Variants in PCDHA1 observed in about 807,000 individuals in gnomAD.
PCDHA1 encodes the protein protocadherin alpha 1.
PCDHA1 carries 42 observed loss-of-function variants against 61.3 expected under a neutral mutation model. That is an observed-to-expected ratio of 0.69 (90% CI 0.54 to 0.89). The LOEUF (loss-of-function observed/expected upper bound fraction) is 0.89, where lower values mean the gene tolerates loss of function less well. Among genes scored for constraint, PCDHA1 ranks in the 40% least tolerant of loss-of-function variants. The pLI is 0.00. For synonymous variants in PCDHA1, 610 were observed against 553.8 expected (o/e 1.10, Z -1.43); for missense variants, 1,256 against 1,235.3 (o/e 1.02, Z -0.25).
At chr5:140,808,530 T>G in intron 1 of PCDHA1, 1 of 1,614,148 alleles carries the variant, frequency 6.2e-7, no homozygotes, top group East Asian at 2.2e-5. Flanking sequence ...GTGGCTGATG[T>G]GAACGACAAC....
intron 1 of PCDHA1, chr5:140,929,177 T>G: frequency 6.2e-7 from 1 of 1,614,172 alleles, no homozygotes; most frequent in Non-Finnish European, 8.5e-7. Flanking sequence ...TCTCTGGGAC[T>G]TGGTTCTGAT....
At chr5:140,826,874 A>G (rs1217835279) in intron 1 of PCDHA1, among the ~76,000 whole-genome samples, 1 of 152,186 alleles carries the variant, frequency 6.6e-6, no homozygotes, top group Non-Finnish European at 1.5e-5. Flanking sequence ...GTAAAATTCA[A>G]TGAAAGCTGT....
At chr5:140,969,457 T>C (rs1554231852) in intron 1 of PCDHA1, 1 of 1,505,602 alleles carries the variant, frequency 6.6e-7, no homozygotes, top group Admixed American at 2.2e-5. Context: ...TGAGTATATA[T>C]AGTATCCACA....
chr5:140,830,361 G>C (rs2150185402), intron 1 of PCDHA1: 1 of 1,614,126 alleles, frequency 6.2e-7, no homozygotes, highest in Non-Finnish European at 8.5e-7. Flanking sequence ...AGGCGGCAGA[G>C]GGTGTGCTCC....
At chr5:140,895,206 AT>A (rs2064913908) in intron 1 of PCDHA1, among the ~76,000 whole-genome samples, 1 of 151,808 alleles carries the variant, frequency 6.6e-6, no homozygotes, top group Non-Finnish European at 1.5e-5. Flanking sequence ...ATTTGCTTTT[AT>A]TTCTAATATT....
In PCDHA1 at chr5:140,787,370, A is replaced by AGGGC; in HGVS notation, c.1081_1082insGGCG (p.Glu361GlyfsTer17). On this transcript the variant is annotated frameshift_variant, in exon 1 of 4. Coordinates refer to ENST00000504120, the MANE Select transcript of PCDHA1 (RefSeq NM_018900.4). LOFTEE classifies it high-confidence loss of function. ...TCACTTCATTGTATTTGCCTATCAG[A>AGGGC]GAGGACGCTCCACTCAGCACCGTCA... is the stretch of plus-strand genomic sequence containing the variant. 1 of 1,614,218 alleles carries AGGGC rather than the reference A, an allele frequency of 6.2e-7. No homozygotes were observed. Among genetic ancestry groups the AGGGC allele is most frequent in the Non-Finnish European group, 8.5e-7 (1 of 1,180,020 alleles).
At chr5:140,856,839 A>T in intron 1 of PCDHA1, 1 of 1,592,670 alleles carries the variant, frequency 6.3e-7, no homozygotes, top group Non-Finnish European at 8.6e-7. Context: ...ATACGGCTCA[A>T]CGCTTCTGAT....
intron 2 of PCDHA1, 35 bp from the exon 3 acceptor site, chr5:140,982,440 A>C: frequency 6.2e-6 from 10 of 1,613,042 alleles, no homozygotes; most frequent in Non-Finnish European, 8.5e-6. Context: ...AGAATTTATG[A>C]TCTAACCGTT....
At chr5:140,998,247 T>C (rs2097802911) in intron 3 of PCDHA1, among the ~76,000 whole-genome samples, 1 of 152,216 alleles carries the variant, frequency 6.6e-6, no homozygotes, top group Non-Finnish European at 1.5e-5. Flanking sequence ...ATTATACTCA[T>C]TTTACTGCTA....
intron 3 of PCDHA1, among the ~76,000 whole-genome samples, chr5:141,008,087 A>G (rs1033572346): frequency 7.2e-5 from 11 of 152,172 alleles, no homozygotes; most frequent in African/African-American, 2.7e-4. Flanking sequence ...GTTATTCTAC[A>G]TGACAAAGAA....
At chr5:140,977,283 G>A (rs2096753441) in intron 1 of PCDHA1, among the ~76,000 whole-genome samples, 1 of 152,190 alleles carries the variant, frequency 6.6e-6, no homozygotes, top group African/African-American at 2.4e-5. Context: ...CTCAAAGGAA[G>A]GTTCTCTCAG....
intron 1 of PCDHA1, chr5:140,815,313 T>C (rs1330793235): frequency 1.3e-5 from 2 of 152,162 alleles, no homozygotes; most frequent in Non-Finnish European, 2.9e-5. Flanking sequence ...AGAATTGTAA[T>C]GCTATGTTTT....
chr5:140,908,456 T>C (rs557022321), intron 1 of PCDHA1, among the ~76,000 whole-genome samples: 2 of 152,174 alleles, frequency 1.3e-5, no homozygotes, highest in South Asian at 4.1e-4. Context: ...GCTAGATGGA[T>C]CAGAAAGCAC....
rs2150110579 is a variant in PCDHA1, at chr5:140,821,775, G to T, written c.2394+33091G>T. 1.1e-5 allele frequency: 18 copies of T among 1,605,896 alleles called. No individual in the cohort carries two copies. In the Admixed American group the frequency reaches 2.2e-4, roughly 20 times the overall value. On this transcript the variant is annotated intron_variant, in intron 1 of 3. Transcript: ENST00000504120. Reference sequence around the variant, plus strand: ...AAGCTCATAATTGGAACGAGATTGAGATGGTATATTCCCGGAGAGGAAGTC... The same window carrying T: ...AAGCTCATAATTGGAACGAGATTGATATGGTATATTCCCGGAGAGGAAGTC...
At chr5:140,825,422 A>G (rs2150139462) in intron 1 of PCDHA1, 1 of 147,148 alleles carries the variant, frequency 6.8e-6, no homozygotes, top group Non-Finnish European at 1.5e-5. Context: ...TATAATATAT[A>G]TAATAAATAT....
Position 140,978,964 on chromosome 5 carries a change from C to G in PCDHA1, c.2410C>G (p.Pro804Ala). ...GATTTTGCAGCCACGACAGCCCAAC[C>G]CTGACTGGCGTTACTCTGCCTCCCT... ...DLSGNPRQPN[P>A]DWRYSASLRA... is the part of the protein sequence containing the mutation. The change falls in exon 2 of 4, where the codon CCT becomes GCT. Residue 804 changes from proline to alanine, a missense_variant. Transcript: ENST00000504120. 3 of 1,614,122 alleles carry G rather than the reference C, an allele frequency of 1.9e-6. No homozygotes were observed. The highest frequency in any genetic ancestry group is 2.5e-6 in the Non-Finnish European group (3 of 1,180,010).
At chr5:140,915,831 G>T (rs1326644343) in intron 1 of PCDHA1, among the ~76,000 whole-genome samples, 1 of 152,168 alleles carries the variant, frequency 6.6e-6, no homozygotes, top group Non-Finnish European at 1.5e-5. Flanking sequence ...AGGGCTCTAA[G>T]ATCAGCAGGG....
chr5:140,883,150 C>T, intron 1 of PCDHA1: 1 of 1,613,910 alleles, frequency 6.2e-7, no homozygotes, highest in Non-Finnish European at 8.5e-7. Flanking sequence ...ATGCATTTAC[C>T]ATAAATCCGA....
chr5:140,968,553 G>T (rs782583876), intron 1 of PCDHA1: 1 of 1,614,132 alleles, frequency 6.2e-7, no homozygotes. Context: ...ATGGTGCCTC[G>T]AACTGCCCCT....
Sources: allele counts gnomAD v4.1 joint callset (sites outside exome capture counted in the v4.1 genomes callset), GRCh38; gene constraint gnomAD v4.1.1; transcripts MANE v1.5; gene names NCBI Gene and HGNC (gene_info 2026-07-23, HGNC 2026-07-21).